The following PHACTR1 variants were observed in gnomAD, a reference collection of about 807,000 sequenced individuals.
PHACTR1 encodes phosphatase and actin regulator 1, also known as RPEL repeat containing 1.
Under a neutral mutation model 69.2 loss-of-function variants are expected in PHACTR1, and 16 were observed. The ratio of observed to expected loss-of-function variants is 0.23; its 90% CI spans 0.16 to 0.35. The LOEUF (loss-of-function observed/expected upper bound fraction) is 0.35. Ranked by LOEUF, PHACTR1 falls within the 10% of genes least tolerant of loss-of-function variation. PHACTR1 has a pLI of 1.00. For missense variants in PHACTR1, 510 were observed against 734.7 expected, an observed-to-expected ratio of 0.69 and a Z score of 3.54; for synonymous variants, 312 against 284.5, an observed-to-expected ratio of 1.10 and a Z score of -0.97.
intron 4 of PHACTR1, among the ~76,000 whole-genome samples, chr6:12,853,995 C>A (rs1387362162): frequency 1.3e-5 from 2 of 152,082 alleles, no homozygotes; most frequent in African/African-American, 4.8e-5. Context: ...AAAGCAGAAA[C>A]AAAGACATAT....
chr6:13,145,421 C>T (rs1377088464), intron 5 of PHACTR1, among the ~76,000 whole-genome samples: 1 of 152,168 alleles, frequency 6.6e-6, no homozygotes, highest in African/African-American at 2.4e-5. Context: ...TGTGCTTGGT[C>T]TTCATATGTG....
At chr6:12,968,638 T>C (rs886298530) in intron 4 of PHACTR1, among the ~76,000 whole-genome samples, 2 of 152,198 alleles carry the variant, frequency 1.3e-5, no homozygotes, top group African/African-American at 4.8e-5. Flanking sequence ...TGATGTGAGC[T>C]TTTTTTGTCA....
intron 4 of PHACTR1, among the ~76,000 whole-genome samples, chr6:12,959,574 A>G (rs1237698226): frequency 6.6e-6 from 1 of 152,228 alleles, no homozygotes; most frequent in East Asian, 1.9e-4. Context: ...TCCCTCGAGA[A>G]AACACTGCTT....
chr6:12,964,760 A>AAAT (rs1049424460), intron 4 of PHACTR1, among the ~76,000 whole-genome samples: 11 of 152,238 alleles, frequency 7.2e-5, no homozygotes, highest in African/African-American at 2.4e-4. Context: ...TAATGATAAT[A>AAAT]AATAATAATA....
At chr6:13,133,893 T>A (rs1346491513) in intron 5 of PHACTR1, among the ~76,000 whole-genome samples, 7 of 135,514 alleles carry the variant, frequency 5.2e-5, no homozygotes. Context: ...AAGTGAGGAG[T>A]GTCTCTGCCC....
intron 6 of PHACTR1, among the ~76,000 whole-genome samples, chr6:13,171,428 G>C (rs188923303): frequency 3.9e-5 from 6 of 152,208 alleles, no homozygotes; most frequent in Non-Finnish European, 7.3e-5. Context: ...TAACCTCTCT[G>C]TTCCAGAAAT....
At chr6:12,839,920 AT>A (rs1182377258) in intron 4 of PHACTR1, among the ~76,000 whole-genome samples, 1 of 152,024 alleles carries the variant, frequency 6.6e-6, no homozygotes, top group Non-Finnish European at 1.5e-5. Flanking sequence ...TCATTGACTT[AT>A]ACTTTTTTTT....
chr6:12,939,907 G>A (rs1314479270), intron 4 of PHACTR1, among the ~76,000 whole-genome samples: 3 of 152,198 alleles, frequency 2.0e-5, no homozygotes, highest in African/African-American at 7.2e-5. Context: ...GCAGTCACCT[G>A]TCTCAGAATG....
At chr6:12,889,962 G>T (rs983615219) in intron 4 of PHACTR1, among the ~76,000 whole-genome samples, 13 of 152,008 alleles carry the variant, frequency 8.6e-5, no homozygotes, top group African/African-American at 3.1e-4. Context: ...CCTGTGTTCT[G>T]CCATGGTCCA....
Position 13,227,893 on chromosome 6 carries a change from G to T in PHACTR1, c.1064G>T (p.Gly355Val), listed in dbSNP as rs754826954. The T allele has an allele frequency of 1.9e-6, 3 of 1,613,960 alleles. No homozygotes were observed. In the Admixed American group the frequency reaches 5.0e-5, roughly 27 times the overall value. Residue 355 changes from glycine (G) to valine (V), a missense_variant, in exon 9 of 15, where the codon GGA becomes GTA. By Grantham distance (109) the Gly-to-Val change is moderately radical (BLOSUM62 -3). This residue lies in a region of PHACTR1 where 419 missense variants were observed against 530.9 expected (regional missense o/e 0.79). Transcript: ENST00000332995. ...TCGGGTGATGGGGTCACCAAAGCAGGACCTATGGGCCTTCCAGAAATAAGA... is the reference window on the plus strand; with the variant it reads ...TCGGGTGATGGGGTCACCAAAGCAGTACCTATGGGCCTTCCAGAAATAAGA... ...LHSGDGVTKA[G>V]PMGLPEIRQV...
chr6:13,249,715 C>A (rs147686952), intron 10 of PHACTR1, among the ~76,000 whole-genome samples: 1 of 148,876 alleles, frequency 6.7e-6, no homozygotes, highest in Non-Finnish European at 1.5e-5. Flanking sequence ...AGGAGAATCA[C>A]TTGAACCTGG....
At chr6:13,007,438 T>A (rs1241334132) in intron 4 of PHACTR1, among the ~76,000 whole-genome samples, 1 of 152,184 alleles carries the variant, frequency 6.6e-6, no homozygotes, top group Non-Finnish European at 1.5e-5. Flanking sequence ...AACCTCTACC[T>A]AATCTGTCCC....
chr6:13,133,272 C>T (rs1281302571), intron 5 of PHACTR1, among the ~76,000 whole-genome samples: 1 of 133,418 alleles, frequency 7.5e-6, no homozygotes, highest in Non-Finnish European at 1.6e-5. Flanking sequence ...CACAGTCTCC[C>T]TCTCCCTCTT....
chr6:13,177,669 G>T (rs12528399), intron 6 of PHACTR1, among the ~76,000 whole-genome samples: 33,697 of 152,052 alleles, frequency 0.22, 4,736 homozygotes, highest in East Asian at 0.44. Flanking sequence ...TGTCCCTAAA[G>T]CCAAATGAAG....
At chr6:12,938,321 T>C (rs1789692285) in intron 4 of PHACTR1, among the ~76,000 whole-genome samples, 1 of 151,848 alleles carries the variant, frequency 6.6e-6, no homozygotes, top group African/African-American at 2.4e-5. Context: ...CAGGAAAAAA[T>C]GAGATTTGCC....
intron 5 of PHACTR1, among the ~76,000 whole-genome samples, chr6:13,141,035 G>A (rs949770221): frequency 3.3e-5 from 5 of 152,142 alleles, no homozygotes; most frequent in Non-Finnish European, 7.4e-5. Flanking sequence ...ATAACCTCGG[G>A]CAAGAGTTTC....
At chr6:12,999,090 C>G (rs559052674) in intron 4 of PHACTR1, among the ~76,000 whole-genome samples, 1 of 152,270 alleles carries the variant, frequency 6.6e-6, no homozygotes, top group South Asian at 2.1e-4. Context: ...CACAGCAGTT[C>G]TACTTATATT....
chr6:13,061,798 A>G (rs1807718519), intron 5 of PHACTR1, among the ~76,000 whole-genome samples: 1 of 152,168 alleles, frequency 6.6e-6, no homozygotes. Flanking sequence ...ATTTTCTGGG[A>G]AAAATTTTGT....
At chr6:12,908,282 C>T (rs1006369049) in intron 4 of PHACTR1, among the ~76,000 whole-genome samples, 1 of 152,082 alleles carries the variant, frequency 6.6e-6, no homozygotes, top group Non-Finnish European at 1.5e-5. Flanking sequence ...CAAACTTTTC[C>T]TGTTTTACTT....
Sources: allele counts gnomAD v4.1 joint callset (sites outside exome capture counted in the v4.1 genomes callset), GRCh38; gene constraint gnomAD v4.1.1; regional missense constraint gnomAD v4.1.1; transcripts MANE v1.5; gene names NCBI Gene and HGNC (gene_info 2026-07-23, HGNC 2026-07-21).